CACNA1E: variants seen among roughly 807,000 people sequenced by gnomAD.
CACNA1E encodes the protein voltage-dependent R-type calcium channel subunit alpha-1E.
In CACNA1E, 40 loss-of-function variants were observed where a neutral mutation model predicts 259.2. The observed-to-expected ratio is 0.15, with a 90% CI of 0.12 to 0.20. CACNA1E has a LOEUF of 0.20. CACNA1E is among the 10% of genes least tolerant of loss of function. The pLI, the probability that CACNA1E is intolerant of heterozygous loss-of-function variation, is 1.00. For synonymous variants in CACNA1E, 1,104 were observed against 1,138.5 expected (o/e 0.97, Z 0.61); for missense variants, 1,874 against 3,040.1 (o/e 0.62, Z 9.02).
At chr1:181,503,658 G>A (rs1361834378) in intron 1 of CACNA1E, among the ~76,000 whole-genome samples, 1 of 152,230 alleles carries the variant, frequency 6.6e-6, no homozygotes, top group Non-Finnish European at 1.5e-5. Flanking sequence ...GATGCTGAAA[G>A]ATTGAGTTAG....
At chr1:181,557,015 G>A (rs1648798425) in intron 3 of CACNA1E, among the ~76,000 whole-genome samples, 1 of 152,178 alleles carries the variant, frequency 6.6e-6, no homozygotes, top group Non-Finnish European at 1.5e-5. Context: ...GGAAAGGGGA[G>A]CTGAGGCATG....
intron 7 of CACNA1E, among the ~76,000 whole-genome samples, chr1:181,676,213 G>A (rs892511108): frequency 1.3e-5 from 2 of 152,106 alleles, no homozygotes; most frequent in Non-Finnish European, 2.9e-5. Flanking sequence ...AGGTAATGAT[G>A]TTTTTGCCCA....
intron 6 of CACNA1E, among the ~76,000 whole-genome samples, chr1:181,609,031 C>T (rs758884053): frequency 6.6e-6 from 1 of 152,164 alleles, no homozygotes; most frequent in Non-Finnish European, 1.5e-5. Flanking sequence ...CCCCAGTATC[C>T]ACAAAGGAAA....
intron 7 of CACNA1E, among the ~76,000 whole-genome samples, chr1:181,700,055 G>C (rs1652078758): frequency 1.3e-5 from 2 of 152,180 alleles, no homozygotes; most frequent in South Asian, 4.1e-4. Context: ...CCATGGGCCT[G>C]TGCAACGTCA....
At chr1:181,401,897 C>G (rs1000616664) in intron 1 of CACNA1E, among the ~76,000 whole-genome samples, 1 of 152,168 alleles carries the variant, frequency 6.6e-6, no homozygotes, top group East Asian at 1.9e-4. Context: ...CCTAGAATAC[C>G]GACACCTTAA....
chr1:181,474,350 A>G (rs1241017918), intron 2 of CACNA1E, among the ~76,000 whole-genome samples: 1 of 152,226 alleles, frequency 6.6e-6, no homozygotes, highest in Middle Eastern at 3.2e-3. Context: ...GATTTCAGAA[A>G]TTCTCTCTTG....
chr1:181,386,075 A>G (rs550974451), intron 1 of CACNA1E, among the ~76,000 whole-genome samples: 18 of 152,336 alleles, frequency 1.2e-4, no homozygotes, highest in Non-Finnish European at 2.4e-4. Flanking sequence ...TTGTTCATTC[A>G]TTCTTTCATT....
At chr1:181,321,779 G>C (rs1415923899) in intron 1 of CACNA1E, among the ~76,000 whole-genome samples, 1 of 152,224 alleles carries the variant, frequency 6.6e-6, no homozygotes, top group African/African-American at 2.4e-5. Flanking sequence ...GGTAGTTAAA[G>C]AGTACTGCGT....
intron 35 of CACNA1E, 64 bp from the exon 36 acceptor site, chr1:181,771,229 C>T: frequency 4.4e-6 from 4 of 914,516 alleles, no homozygotes; most frequent in Non-Finnish European, 5.2e-6. Flanking sequence ...TGCCAACCCT[C>T]ATGTGCTGGA....
chr1:181,455,477 T>G (rs562164758), intron 2 of CACNA1E, among the ~76,000 whole-genome samples: 12 of 152,274 alleles, frequency 7.9e-5, no homozygotes, highest in Admixed American at 2.0e-4. Flanking sequence ...GGAGAAAAGT[T>G]TGGATGCCTT....
At chr1:181,774,463 G>A (rs1168422305) in intron 37 of CACNA1E, among the ~76,000 whole-genome samples, 1 of 152,208 alleles carries the variant, frequency 6.6e-6, no homozygotes, top group Non-Finnish European at 1.5e-5. Context: ...GAGGGATGCT[G>A]ATTTCCCTTC....
intron 44 of CACNA1E, among the ~76,000 whole-genome samples, chr1:181,792,726 C>T (rs969105417): frequency 3.9e-5 from 6 of 152,162 alleles, no homozygotes; most frequent in Non-Finnish European, 5.9e-5. Flanking sequence ...TTTTCTGGTA[C>T]GATCTCCATC....
upstream of CACNA1E, chr1:181,483,501 CTTTTTTTT>C (rs111237511): frequency 4.9e-6 from 1 of 205,152 alleles, no homozygotes. Flanking sequence ...TTTCTTTTTT[CTTTTTTTT>C]TTTTTTCCTT....
chr1:181,762,712 A>T (rs890007505), intron 33 of CACNA1E, 55 bp downstream of exon 33: 40 of 1,031,608 alleles, frequency 3.9e-5, no homozygotes, highest in African/African-American at 8.0e-5. Flanking sequence ...TAGCATTTTT[A>T]AAACTCCTCT....
chr1:181,423,194 C>T (rs531264667), intron 2 of CACNA1E, among the ~76,000 whole-genome samples: 1 of 152,266 alleles, frequency 6.6e-6, no homozygotes, highest in South Asian at 2.1e-4. Context: ...CAGAGGTTTG[C>T]CGAAGCCCAA....
intron 3 of CACNA1E, among the ~76,000 whole-genome samples, chr1:181,545,075 G>T (rs991551897): frequency 9.2e-5 from 14 of 152,014 alleles, no homozygotes; most frequent in African/African-American, 3.4e-4. Flanking sequence ...GTGGCTCATG[G>T]ACCACGGTAA....
At chr1:181,775,725 C>T (rs576245200) in intron 37 of CACNA1E, among the ~76,000 whole-genome samples, 6 of 152,290 alleles carry the variant, frequency 3.9e-5, no homozygotes, top group African/African-American at 1.2e-4. Context: ...CAAATTTCAG[C>T]GTCCATAAAC....
chr1:181,539,209 T>C (rs1668398983), intron 3 of CACNA1E, among the ~76,000 whole-genome samples: 2 of 152,198 alleles, frequency 1.3e-5, no homozygotes, highest in African/African-American at 4.8e-5. Flanking sequence ...TTGACTAGGC[T>C]CACCCTAAAC....
chr1:181,558,978 A>G (rs983448242), intron 3 of CACNA1E, among the ~76,000 whole-genome samples: 1 of 152,232 alleles, frequency 6.6e-6, no homozygotes, highest in Non-Finnish European at 1.5e-5. Context: ...GACCTGGAAG[A>G]TGAGAATAAA....
Sources: allele counts gnomAD v4.1 joint callset (sites outside exome capture counted in the v4.1 genomes callset), GRCh38; gene constraint gnomAD v4.1.1; transcripts MANE v1.5; gene names NCBI Gene and HGNC (gene_info 2026-07-23, HGNC 2026-07-21).